Variants in GRM8 observed in about 807,000 individuals in gnomAD.
GRM8 encodes the protein glutamate metabotropic receptor 8.
In GRM8, 47 loss-of-function variants were observed where a neutral mutation model predicts 87.2. The ratio of observed to expected loss-of-function variants is 0.54; its 90% CI spans 0.43 to 0.69. GRM8 has a LOEUF of 0.69. Among genes scored for constraint, GRM8 ranks in the 30% least tolerant of loss-of-function variants. GRM8 has a pLI of 0.00. For missense variants in GRM8, 1,019 were observed against 1,139.2 expected (o/e 0.89, Z 1.52); for synonymous variants, 396 against 404.5 (o/e 0.98, Z 0.25).
intron 7 of GRM8, among the ~76,000 whole-genome samples, chr7:126,658,573 G>T (rs1804792324): frequency 6.6e-6 from 1 of 151,782 alleles, no homozygotes; most frequent in South Asian, 2.1e-4. Context: ...CTGCAACCTG[G>T]TCCAAGATGA....
At chr7:126,834,840 G>GT (rs2130483800) in intron 6 of GRM8, among the ~76,000 whole-genome samples, 1 of 152,272 alleles carries the variant, frequency 6.6e-6, no homozygotes, top group East Asian at 1.9e-4. Flanking sequence ...GGCTCACACT[G>GT]TAATCCCAGC....
intron 3 of GRM8, among the ~76,000 whole-genome samples, chr7:126,966,186 A>G (rs1204583): frequency 0.45 from 68,654 of 151,840 alleles, 16,109 homozygotes; most frequent in East Asian, 0.67. Context: ...CCAGGCTGGA[A>G]TGCAGTGGCA....
intron 10 of GRM8, among the ~76,000 whole-genome samples, 184 bp from the exon 11 acceptor site, chr7:126,439,352 G>GA (rs1432472258): frequency 6.6e-6 from 1 of 152,070 alleles, no homozygotes. Context: ...CTCGACAGCA[G>GA]ACTGCATTAT....
intron 6 of GRM8, among the ~76,000 whole-genome samples, chr7:126,786,548 C>T (rs527317074): frequency 1.3e-5 from 2 of 152,246 alleles, no homozygotes; most frequent in East Asian, 3.9e-4. Flanking sequence ...TCTATCCCAA[C>T]CTTCTATGTC....
chr7:126,814,766 T>C (rs558430331), intron 6 of GRM8, among the ~76,000 whole-genome samples: 21 of 152,088 alleles, frequency 1.4e-4, no homozygotes, highest in Non-Finnish European at 2.8e-4. Context: ...CTTATATTTT[T>C]TTTTTCAAAA....
At chr7:127,046,085 A>AT (rs1030779324) in intron 3 of GRM8, among the ~76,000 whole-genome samples, 2 of 152,048 alleles carry the variant, frequency 1.3e-5, no homozygotes, top group African/African-American at 4.8e-5. Flanking sequence ...TATATTTTCT[A>AT]TTTTTTCCTA....
chr7:126,799,660 TC>T (rs1181427994), intron 6 of GRM8, among the ~76,000 whole-genome samples: 1 of 152,064 alleles, frequency 6.6e-6, no homozygotes, highest in African/African-American at 2.4e-5. Context: ...GAAAGCAGAT[TC>T]CCCAGCTGGG....
At chr7:126,765,075 G>A (rs961964017) in intron 7 of GRM8, among the ~76,000 whole-genome samples, 1 of 151,864 alleles carries the variant, frequency 6.6e-6, no homozygotes, top group African/African-American at 2.4e-5. Context: ...TACAACCTAA[G>A]TTTGGCTAAT....
At chr7:126,684,937 G>C (rs554190744) in intron 7 of GRM8, among the ~76,000 whole-genome samples, 1 of 152,254 alleles carries the variant, frequency 6.6e-6, no homozygotes, top group Admixed American at 6.5e-5. Flanking sequence ...TGATGGCAGC[G>C]GTGGGCCATC....
chr7:126,619,892 T>C (rs901822398), intron 7 of GRM8, among the ~76,000 whole-genome samples: 2 of 152,186 alleles, frequency 1.3e-5, no homozygotes, highest in African/African-American at 4.8e-5. Context: ...GGGTTTTGCA[T>C]GCTGCCCAGG....
chr7:127,106,851 C>G, intron 2 of GRM8, 139 bp from the exon 3 acceptor site: 1 of 641,596 alleles, frequency 1.6e-6, no homozygotes, highest in Non-Finnish European at 2.8e-6. Context: ...TTATGACTAC[C>G]AATTTAATTG....
At chr7:127,232,216 A>T (rs28949577) in intron 2 of GRM8, among the ~76,000 whole-genome samples, 3,891 of 112,532 alleles carry the variant, frequency 0.035, 98 homozygotes, top group African/African-American at 0.072. Flanking sequence ...TGTGTGTGAG[A>T]GAGAGAGAGA....
intron 6 of GRM8, among the ~76,000 whole-genome samples, chr7:126,885,733 A>AC (rs1800429116): frequency 6.6e-6 from 1 of 152,206 alleles, no homozygotes; most frequent in Admixed American, 6.5e-5. Flanking sequence ...ATTTTTGAAT[A>AC]CATTTACTCA....
intron 8 of GRM8, among the ~76,000 whole-genome samples, chr7:126,584,764 C>T (rs892350349): frequency 6.6e-6 from 1 of 151,910 alleles, no homozygotes; most frequent in Non-Finnish European, 1.5e-5. Flanking sequence ...TTTAGTCTAC[C>T]TAATAGAATA....
chr7:126,867,362 A>G (rs1012586736), intron 6 of GRM8, among the ~76,000 whole-genome samples: 3 of 152,214 alleles, frequency 2.0e-5, no homozygotes, highest in African/African-American at 7.2e-5. Flanking sequence ...GTTGTGATTT[A>G]CAAGAAAAGA....
intron 9 of GRM8, among the ~76,000 whole-genome samples, chr7:126,461,303 A>T (rs901075219): frequency 6.6e-6 from 1 of 151,516 alleles, no homozygotes; most frequent in Admixed American, 6.6e-5. Flanking sequence ...AAAATCACTC[A>T]ATTCTTTATA....
intron 3 of GRM8, among the ~76,000 whole-genome samples, chr7:126,984,304 G>T (rs17866363): frequency 6.6e-6 from 1 of 152,120 alleles, no homozygotes; most frequent in Non-Finnish European, 1.5e-5. Context: ...TCAACTTGAT[G>T]GGATTGAAGG....
chr7:127,158,246 G>C (rs1792862634), intron 2 of GRM8, among the ~76,000 whole-genome samples: 1 of 152,110 alleles, frequency 6.6e-6, no homozygotes, highest in African/African-American at 2.4e-5. Context: ...AGGCATAAAA[G>C]CCTGTCAGCC....
intron 3 of GRM8, among the ~76,000 whole-genome samples, chr7:126,935,056 TA>T (rs1191582275): frequency 6.6e-6 from 1 of 152,172 alleles, no homozygotes; most frequent in Non-Finnish European, 1.5e-5. Context: ...ATGTGCTCAA[TA>T]AATATAGGGT....
Sources: allele counts gnomAD v4.1 joint callset (sites outside exome capture counted in the v4.1 genomes callset), GRCh38; gene constraint gnomAD v4.1.1; transcripts MANE v1.5; gene names NCBI Gene and HGNC (gene_info 2026-07-23, HGNC 2026-07-21).